The following DISP1 variants were observed in gnomAD, a reference collection of about 807,000 sequenced individuals.
The protein encoded by DISP1 is protein dispatched homolog 1.
A neutral mutation model predicts 37.3 loss-of-function variants in DISP1; 30 were observed. The observed-to-expected ratio is 0.80, with a 90% CI of 0.60 to 1.09. DISP1 has a LOEUF of 1.09. DISP1 is among the 50% of genes least tolerant of loss of function. The probability of loss-of-function intolerance (pLI) is 0.00; values close to 1 mark genes in which losing one functional copy is unlikely to be tolerated. For synonymous variants in DISP1, 634 were observed against 690.2 expected (o/e 0.92, Z 1.28); for missense variants, 1,598 against 1,879.5 (o/e 0.85, Z 2.77).
At chr1:222,906,439 G>A (rs1671893907) in intron 1 of DISP1, among the ~76,000 whole-genome samples, 1 of 152,184 alleles carries the variant, frequency 6.6e-6, no homozygotes, top group South Asian at 2.1e-4. Flanking sequence ...GCCATCTGCT[G>A]GGCTGCATTC....
At position 223,003,167 on chromosome 1, in the gene DISP1, T is replaced by C. The variant is rs747988668; in HGVS notation, c.1770T>C (p.His590=). The stretch of plus-strand genomic sequence containing the variant: ...ACTACACAAAATTTGATAAGCCTCA[T>C]GCCGAAACCTCAGAAACAGTAAGCA... ...VWNYTKFDKP[H]AETSETVSIT... Residue 590 remains histidine (H), a synonymous_variant, in exon 9 of 9, where the codon CAT becomes CAC. Transcript: ENST00000675850. This position sits in a 1 kb window ranked among gnomAD's most constrained non-coding sequence, Gnocchi z 4.3. 3 of 1,614,250 alleles carry C rather than the reference T, an allele frequency of 1.9e-6. No individual in the cohort carries two copies. The highest frequency in any genetic ancestry group is 2.2e-5 in the East Asian group (1 of 44,888).
In DISP1 at chr1:223,005,292, T is replaced by A; in HGVS notation, c.3895T>A (p.Ser1299Thr). The A allele has an allele frequency of 6.2e-7, 1 of 1,613,732 alleles. No individual in the cohort carries two copies. The highest frequency in any genetic ancestry group is 8.5e-7 in the Non-Finnish European group (1 of 1,180,018). Residue 1299 changes from serine to threonine, a missense_variant, in exon 9 of 9, where the codon TCT becomes ACT. Coordinates refer to ENST00000675850, the MANE Select transcript of DISP1 (RefSeq NM_001377229.1). ...QMGDCLCHQC[S>T]PTTSSFVQIQ... Reference sequence around the variant, plus strand: ...GGGGGACTGCTTGTGCCACCAGTGCTCTCCTACCACTAGCAGCTTTGTCCA... The same window carrying A: ...GGGGGACTGCTTGTGCCACCAGTGCACTCCTACCACTAGCAGCTTTGTCCA...
At chr1:222,855,549 T>TA (rs1224415682) in intron 1 of DISP1, among the ~76,000 whole-genome samples, 1 of 152,174 alleles carries the variant, frequency 6.6e-6, no homozygotes, top group African/African-American at 2.4e-5. Context: ...TACTAGCAGA[T>TA]ACAGCTATGC....
chr1:222,851,681 C>G (rs766073336), intron 1 of DISP1, among the ~76,000 whole-genome samples: 3 of 151,880 alleles, frequency 2.0e-5, no homozygotes, highest in Admixed American at 2.0e-4. Context: ...GTTTTTAAAA[C>G]TTTTTTTGCA....
chr1:222,945,026 G>C (rs1674672052), intron 3 of DISP1, among the ~76,000 whole-genome samples: 1 of 151,970 alleles, frequency 6.6e-6, no homozygotes, highest in South Asian at 2.1e-4. Context: ...AAAAAAAAAG[G>C]GAAAAAAGTC....
Position 223,004,485 on chromosome 1 carries a change from C to T in DISP1, c.3088C>T (p.Leu1030=), listed in dbSNP as rs1052102886. The change falls in exon 9 of 9, where the codon CTG becomes TTG. Residue 1030 remains leucine, a synonymous_variant. Transcript: ENST00000675850. This position sits in a 1 kb window ranked among gnomAD's most constrained non-coding sequence, Gnocchi z 4.9. The stretch of plus-strand genomic sequence containing the variant: ...TGTCACTGTTGGTTCTCTTGTCCTG[C>T]TGGGCTGGGAGCTCAATGTGTTGGA... ...IFVTVGSLVL[L]GWELNVLESV... The T allele has an allele frequency of 1.9e-6, 3 of 1,614,120 alleles. No homozygotes were observed. Among genetic ancestry groups the T allele is most frequent in the Non-Finnish European group, 2.5e-6 (3 of 1,180,054 alleles).
intron 6 of DISP1, 138 bp from the exon 7 acceptor site, chr1:222,991,875 G>A (rs1678720074): frequency 2.4e-6 from 2 of 839,410 alleles, no homozygotes; most frequent in Non-Finnish European, 1.9e-6. Context: ...ATTAATGTTG[G>A]TTGCTTCTTC....
chr1:222,845,391 C>T (rs1667843618), intron 1 of DISP1, among the ~76,000 whole-genome samples: 1 of 152,070 alleles, frequency 6.6e-6, no homozygotes, highest in African/African-American at 2.4e-5. Context: ...TGACATTTAA[C>T]CATAGATACT....
Position 223,005,252 on chromosome 1 carries a change from C to G in DISP1, c.3855C>G (p.His1285Gln). 1 of 1,614,054 alleles carries G rather than the reference C, an allele frequency of 6.2e-7. No individual in the cohort carries two copies. Among genetic ancestry groups the G allele is most frequent in the Non-Finnish European group, 8.5e-7 (1 of 1,180,036 alleles). ...ACAAACACTTGAACTATGGCCCACA[C>G]TCTTGCCAGCAGATGGGGGACTGCT... ...DAYKHLNYGPHSCQQMGDCLC... is the reference protein window; with the variant it reads ...DAYKHLNYGPQSCQQMGDCLC... The change falls in exon 9 of 9, where the codon CAC (histidine) becomes CAG (glutamine). Residue 1285 changes from histidine (H) to glutamine (Q), a missense_variant. Physicochemically the swap from His to Gln is conservative, Grantham distance 24. Coordinates refer to ENST00000675850, the MANE Select transcript of DISP1 (RefSeq NM_001377229.1).
chr1:222,945,759 G>A (rs945732750), intron 3 of DISP1: 30 of 152,096 alleles, frequency 2.0e-4, no homozygotes, highest in African/African-American at 5.8e-4. Flanking sequence ...TATGAGCACT[G>A]GGTCCATAGA....
At chr1:222,836,227 A>G (rs1666998677) in intron 1 of DISP1, among the ~76,000 whole-genome samples, 1 of 152,208 alleles carries the variant, frequency 6.6e-6, no homozygotes. Context: ...GCTAGGTTTT[A>G]GAGATACACA....
intron 1 of DISP1, among the ~76,000 whole-genome samples, chr1:222,875,271 C>A (rs1190188438): frequency 1.3e-5 from 2 of 151,718 alleles, no homozygotes; most frequent in African/African-American, 4.8e-5. Context: ...CCAAACCACG[C>A]CACTGTACTC....
chr1:222,982,556 A>G (rs1677911141), intron 3 of DISP1, among the ~76,000 whole-genome samples: 1 of 152,346 alleles, frequency 6.6e-6, no homozygotes, highest in African/African-American at 2.4e-5. Flanking sequence ...TGGAAATACA[A>G]GCCCGTATCT....
intron 3 of DISP1, among the ~76,000 whole-genome samples, chr1:222,965,111 A>G (rs61837496): frequency 0.47 from 71,809 of 151,946 alleles, 18,802 homozygotes; most frequent in Non-Finnish European, 0.59. Context: ...TATGAAAACA[A>G]TAGAAAATTT....
At chr1:222,953,539 G>C (rs2789938) in intron 3 of DISP1, among the ~76,000 whole-genome samples, 147,725 of 152,254 alleles carry the variant, frequency 0.97, 71,810 homozygotes, top group East Asian at 1. Context: ...TTTAGCCCCC[G>C]AAACTGAGAG....
chr1:222,993,053 G>A (rs1292143537), intron 7 of DISP1, among the ~76,000 whole-genome samples: 1 of 151,624 alleles, frequency 6.6e-6, no homozygotes, highest in Non-Finnish European at 1.5e-5. Context: ...GTAGAGACGG[G>A]GTTTCTCCAT....
At chr1:222,947,105 A>G (rs1049539062) in intron 3 of DISP1, among the ~76,000 whole-genome samples, 2 of 152,178 alleles carry the variant, frequency 1.3e-5, no homozygotes, top group East Asian at 1.9e-4. Context: ...TTGTGCACCC[A>G]TCACTACTAC....
intron 1 of DISP1, among the ~76,000 whole-genome samples, chr1:222,820,492 G>A (rs1405292132): frequency 6.6e-6 from 1 of 152,150 alleles, no homozygotes; most frequent in Non-Finnish European, 1.5e-5. Flanking sequence ...AAAGCATGGT[G>A]CTTTTGGAAC....
Position 223,002,460 on chromosome 1 carries a change from G to A in DISP1, c.1063G>A (p.Gly355Arg). Residue 355 changes from glycine to arginine, a missense_variant, in exon 9 of 9, where the codon GGA becomes AGA. Gly to Arg is a moderately radical substitution (Grantham distance 125). Transcript: ENST00000675850. The stretch of plus-strand genomic sequence containing the variant: ...CTCCTGCTGCCCCAGCTGGACACTG[G>A]GAAACTACATCGCCATTCTGAACAA... ...AASCCPSWTLGNYIAILNNRS... is the reference protein window; with the variant it reads ...AASCCPSWTLRNYIAILNNRS... 6.2e-7 allele frequency: 1 copy of A among 1,614,074 alleles called. No individual in the cohort carries two copies. The highest frequency in any genetic ancestry group is 8.5e-7 in the Non-Finnish European group (1 of 1,180,018).
Sources: allele counts gnomAD v4.1 joint callset (sites outside exome capture counted in the v4.1 genomes callset), GRCh38; gene constraint gnomAD v4.1.1; non-coding constraint Gnocchi (gnomAD v3.1); transcripts MANE v1.5; gene names NCBI Gene and HGNC (gene_info 2026-07-23, HGNC 2026-07-21).